The following TMPRSS9 variants were observed in gnomAD, a reference collection of about 807,000 sequenced individuals.
The protein encoded by TMPRSS9 is transmembrane serine protease 9, also known as transmembrane protease serine 9.
Under a neutral mutation model 111.4 loss-of-function variants are expected in TMPRSS9, and 113 were observed. The ratio of observed to expected loss-of-function variants is 1.01; its 90% CI spans 0.87 to 1.19. The LOEUF (loss-of-function observed/expected upper bound fraction) is 1.19, where lower values mean the gene tolerates loss of function less well. Ranked by LOEUF, TMPRSS9 falls within the 50% of genes most tolerant of loss-of-function variation. The pLI is 0.00. For synonymous variants in TMPRSS9, 805 were observed against 659.1 expected, an observed-to-expected ratio of 1.22 and a Z score of -3.39; for missense variants, 1,803 against 1,513.1, an observed-to-expected ratio of 1.19 and a Z score of -3.18.
intron 11 of TMPRSS9, 125 bp from the exon 13 acceptor site, chr19:2,416,413 G>A (rs59549716): frequency 0.077 from 99,891 of 1,292,474 alleles, 7,991 homozygotes; most frequent in East Asian, 0.39. Context: ...CCGAAGGTCA[G>A]AGGATGGTCC....
intron 1 of TMPRSS9, among the ~76,000 whole-genome samples, chr19:2,393,679 C>T (rs1347589672): frequency 6.6e-6 from 1 of 152,054 alleles, no homozygotes; most frequent in Non-Finnish European, 1.5e-5. Context: ...GCAGGTAGAT[C>T]ATGAGGTCAG....
intron 13 of TMPRSS9, 66 bp downstream of exon 14, chr19:2,418,204 GTTCT>G (rs1363273804): frequency 1.3e-5 from 20 of 1,500,428 alleles, no homozygotes; most frequent in Admixed American, 1.8e-5. Context: ...TCACCCAGCA[GTTCT>G]TTGTGTGCAG....
chr19:2,381,394 A>C (rs1266191917), intron 1 of TMPRSS9, among the ~76,000 whole-genome samples: 2 of 151,202 alleles, frequency 1.3e-5, no homozygotes, highest in African/African-American at 4.9e-5. Context: ...GAGTGAGCTC[A>C]TACTCTAAAT....
In TMPRSS9 at chr19:2,416,864, GGGGA is replaced by G. The variant is rs1469633324; in HGVS notation, c.2017+59_2017+62del. The stretch of plus-strand genomic sequence containing the variant: ...GGATTTATTCTCCAGGGCCTGGCCT[GGGGA>G]GGGTCAGGATGGGCATCTCTTACCT... On this transcript the variant is annotated intron_variant, in intron 12 of 17. Transcript: ENST00000648592. 5 of 1,547,242 alleles carry G rather than the reference GGGGA, an allele frequency of 3.2e-6. No homozygotes were observed. The East Asian group carries it at 9.1e-5, about 28-fold the overall frequency.
intron 1 of TMPRSS9, among the ~76,000 whole-genome samples, chr19:2,364,238 A>C (rs1002935518): frequency 3.3e-5 from 5 of 152,154 alleles, no homozygotes; most frequent in African/African-American, 1.2e-4. Flanking sequence ...TAAATAGAAG[A>C]AATTTAGAAG....
At chr19:2,395,666 G>T (rs1377807318) in intron 1 of TMPRSS9, among the ~76,000 whole-genome samples, 1 of 151,876 alleles carries the variant, frequency 6.6e-6, no homozygotes. Flanking sequence ...AGTGAGGCGA[G>T]ATCATGCCAT....
chr19:2,364,198 G>T (rs1044409014), intron 1 of TMPRSS9, among the ~76,000 whole-genome samples: 13 of 151,896 alleles, frequency 8.6e-5, no homozygotes, highest in Non-Finnish European at 1.3e-4. Context: ...ATAAGTGAAT[G>T]AATGAATGAA....
chr19:2,399,635 A>T (rs1346379291), intron 4 of TMPRSS9, among the ~76,000 whole-genome samples: 1 of 152,176 alleles, frequency 6.6e-6, no homozygotes, highest in African/African-American at 2.4e-5. Context: ...AATGGTGTGG[A>T]TAAGGGGTCA....
At chr19:2,380,906 A>T (rs1440964953) in intron 1 of TMPRSS9, among the ~76,000 whole-genome samples, 3 of 152,112 alleles carry the variant, frequency 2.0e-5, no homozygotes, top group Non-Finnish European at 4.4e-5. Context: ...CGTTCCTTCC[A>T]CTGGAGGCTT....
chr19:2,421,414 T>G (rs1201096323), intron 13 of TMPRSS9, among the ~76,000 whole-genome samples: 3 of 151,188 alleles, frequency 2.0e-5, no homozygotes, highest in Admixed American at 1.3e-4. Flanking sequence ...TCAGCCTCCC[T>G]AGTAGGTGGA....
intron 15 of TMPRSS9, among the ~76,000 whole-genome samples, chr19:2,424,734 G>A (rs928366812): frequency 2.0e-5 from 3 of 152,144 alleles, no homozygotes; most frequent in East Asian, 1.9e-4. Flanking sequence ...AGGGCTGGAG[G>A]TCAGAAGGGG....
At chr19:2,416,922 G>A (rs927473475) in intron 12 of TMPRSS9, 113 bp downstream of exon 13, 31 of 1,328,218 alleles carry the variant, frequency 2.3e-5, no homozygotes, top group Non-Finnish European at 2.7e-5. Flanking sequence ...ACTGCACAGG[G>A]ACCTCTGTGG....
chr19:2,425,456 G>A (rs1213589456), exon 17 of TMPRSS9: 1 of 1,592,360 alleles, frequency 6.3e-7, no homozygotes, highest in South Asian at 1.1e-5. Flanking sequence ...CGCATGCTGT[G>A]TGCCGGCTTC....
At chr19:2,422,170 C>G (rs1971481184) in exon 14 of TMPRSS9, 1 of 1,573,142 alleles carries the variant, frequency 6.4e-7, no homozygotes, top group African/African-American at 1.4e-5. Flanking sequence ...TCAACCTTAT[C>G]TGCCGTGAGC....
intron 1 of TMPRSS9, among the ~76,000 whole-genome samples, chr19:2,373,851 G>A (rs1242180346): frequency 1.3e-5 from 2 of 152,222 alleles, no homozygotes; most frequent in South Asian, 4.1e-4. Context: ...GCAGCTTGGA[G>A]GTTTTCAGCC....
chr19:2,425,434 C>G (rs1052504675), exon 17 of TMPRSS9: 1 of 1,590,986 alleles, frequency 6.3e-7, no homozygotes, highest in Non-Finnish European at 8.5e-7. Flanking sequence ...CTACCCAGTG[C>G]AGATCAGCAG....
chr19:2,363,881 C>A (rs1599272502), intron 1 of TMPRSS9, among the ~76,000 whole-genome samples: 1 of 150,458 alleles, frequency 6.6e-6, no homozygotes, highest in Non-Finnish European at 1.5e-5. Context: ...GCAGAGAGAG[C>A]CTTAATCTCC....
At chr19:2,400,975 TA>T (rs58186638) in intron 4 of TMPRSS9, among the ~76,000 whole-genome samples, 11,609 of 124,660 alleles carry the variant, frequency 0.093, 672 homozygotes, top group East Asian at 0.27. Context: ...GACTCTGTCT[TA>T]AAAAAAAAAA....
chr19:2,415,210 G>T (rs1197551841), intron 10 of TMPRSS9, among the ~76,000 whole-genome samples: 3 of 152,080 alleles, frequency 2.0e-5, no homozygotes, highest in Non-Finnish European at 4.4e-5. Flanking sequence ...CTCCCAAAGT[G>T]CTGGGATAAC....
Sources: gnomAD v4.1 joint callset for allele counts (sites outside exome capture counted in the v4.1 genomes callset) on GRCh38, gnomAD v4.1.1 for gene constraint, MANE v1.5 for transcripts, NCBI Gene and HGNC (gene_info 2026-07-23, HGNC 2026-07-21) for gene names.